Variants in GOLM2 observed in about 807,000 individuals in gnomAD.
GOLM2 encodes golgi membrane protein 2.
In GOLM2, 26 loss-of-function variants were observed where a neutral mutation model predicts 55.9. The observed-to-expected ratio is 0.47, with a 90% CI of 0.34 to 0.65. The LOEUF (loss-of-function observed/expected upper bound fraction) is 0.65, where lower values mean the gene tolerates loss of function less well. GOLM2 is among the 30% of genes least tolerant of loss of function. The pLI is 0.01. For missense variants in GOLM2, 486 were observed against 531.8 expected, an observed-to-expected ratio of 0.91 and a Z score of 0.85; for synonymous variants, 165 against 194.6, an observed-to-expected ratio of 0.85 and a Z score of 1.27.
chr15:44,331,237 A>T (rs1238786685), intron 3 of GOLM2, among the ~76,000 whole-genome samples: 1 of 152,120 alleles, frequency 6.6e-6, no homozygotes. Flanking sequence ...GACTGATCTC[A>T]AACTCCTGGC....
intron 6 of GOLM2, among the ~76,000 whole-genome samples, chr15:44,354,114 A>G (rs553892353): frequency 1.8e-4 from 28 of 152,252 alleles, no homozygotes; most frequent in Admixed American, 3.9e-4. Flanking sequence ...TCAAAAAATT[A>G]TAGGTAATTA....
At chr15:44,327,521 A>G (rs1342769687) in intron 2 of GOLM2, among the ~76,000 whole-genome samples, 4 of 152,134 alleles carry the variant, frequency 2.6e-5, no homozygotes, top group Admixed American at 2.6e-4. Flanking sequence ...AATAGATGTT[A>G]TAGTATTGGT....
chr15:44,398,226 C>T (rs554560330), intron 8 of GOLM2, among the ~76,000 whole-genome samples: 16 of 152,350 alleles, frequency 1.1e-4, no homozygotes, highest in Admixed American at 5.2e-4. Flanking sequence ...CAATAGCACA[C>T]GTACTATCAC....
At chr15:44,325,584 C>T (rs938297015) in intron 2 of GOLM2, among the ~76,000 whole-genome samples, 3 of 152,254 alleles carry the variant, frequency 2.0e-5, no homozygotes, top group East Asian at 1.9e-4. Flanking sequence ...AGAATGAGTC[C>T]GAAAGATCAC....
chr15:44,395,921 G>T (rs929950404), intron 8 of GOLM2, among the ~76,000 whole-genome samples: 2 of 152,136 alleles, frequency 1.3e-5, no homozygotes, highest in Non-Finnish European at 2.9e-5. Flanking sequence ...TGAAAAGCAT[G>T]CAGGCTAGTT....
intron 6 of GOLM2, among the ~76,000 whole-genome samples, chr15:44,360,086 C>T (rs202231925): frequency 0.025 from 3,743 of 152,202 alleles, 89 homozygotes; most frequent in East Asian, 0.1. Flanking sequence ...CACTACCAGC[C>T]GCTGCAAAAT....
chr15:44,340,318 G>T (rs970487945), intron 6 of GOLM2, among the ~76,000 whole-genome samples: 6 of 152,202 alleles, frequency 3.9e-5, no homozygotes, highest in African/African-American at 1.2e-4. Flanking sequence ...CTGTTGCCCA[G>T]GCTAGAGTGC....
intron 1 of GOLM2, among the ~76,000 whole-genome samples, chr15:44,297,139 C>A (rs1285694562): frequency 1.3e-5 from 2 of 152,182 alleles, no homozygotes; most frequent in Admixed American, 1.3e-4. Flanking sequence ...AGTGCTTCAA[C>A]ATGCAGAGGA....
chr15:44,373,756 A>AAAAAC (rs1463848915), intron 6 of GOLM2, among the ~76,000 whole-genome samples: 2 of 152,192 alleles, frequency 1.3e-5, no homozygotes, highest in African/African-American at 4.8e-5. Context: ...TCCATCTTGA[A>AAAAAC]AAAACAAAAC....
At chr15:44,388,721 C>T (rs1296272764) in intron 8 of GOLM2, among the ~76,000 whole-genome samples, 1 of 152,168 alleles carries the variant, frequency 6.6e-6, no homozygotes, top group South Asian at 2.1e-4. Context: ...GCTGTGCTGC[C>T]GGGCTGGATT....
rs569024438 is a variant in GOLM2 at position 44,320,657 on chromosome 15, G to C, written c.328-2308G>C. 3.4e-4 allele frequency among the ~76,000 whole-genome samples: 52 copies of C among 152,182 alleles called. 1 individual carries two copies. In the East Asian group the frequency reaches 6.9e-3, roughly 20 times the overall value. On this transcript the variant is annotated intron_variant, in intron 1 of 9. Coordinates refer to ENST00000299957, the MANE Select transcript of GOLM2 (RefSeq NM_138423.4). ...CAAAGCACCCAGGACTCGGGGGGGT[G>C]AAAAAGAGGGACCCCCTAGACTCCT...
chr15:44,359,896 T>C (rs575423262), intron 6 of GOLM2, among the ~76,000 whole-genome samples: 1 of 152,268 alleles, frequency 6.6e-6, no homozygotes, highest in African/African-American at 2.4e-5. Flanking sequence ...GGGGCCAATA[T>C]TCAACATTCT....
intron 1 of GOLM2, among the ~76,000 whole-genome samples, chr15:44,291,495 A>G (rs2078720591): frequency 2.0e-5 from 3 of 152,186 alleles, no homozygotes; most frequent in Non-Finnish European, 4.4e-5. Context: ...AATGTCTGCC[A>G]TCTTTCTTTC....
At chr15:44,346,773 T>C (rs2079127548) in intron 6 of GOLM2, among the ~76,000 whole-genome samples, 1 of 152,180 alleles carries the variant, frequency 6.6e-6, no homozygotes, top group Non-Finnish European at 1.5e-5. Flanking sequence ...TATAATCTTC[T>C]GAACTTTTAA....
chr15:44,346,431 T>G (rs2079125122), intron 6 of GOLM2, among the ~76,000 whole-genome samples: 1 of 152,184 alleles, frequency 6.6e-6, no homozygotes, highest in African/African-American at 2.4e-5. Flanking sequence ...ATTATGTAGC[T>G]AAGGCAGAAA....
At chr15:44,374,037 G>A (rs1047288646) in intron 6 of GOLM2, among the ~76,000 whole-genome samples, 1 of 152,134 alleles carries the variant, frequency 6.6e-6, no homozygotes, top group Non-Finnish European at 1.5e-5. Flanking sequence ...CGGGGCTGAG[G>A]TTGCAGGGAG....
chr15:44,375,138 A>T (rs2079356182), intron 6 of GOLM2, among the ~76,000 whole-genome samples: 1 of 152,080 alleles, frequency 6.6e-6, no homozygotes, highest in Non-Finnish European at 1.5e-5. Flanking sequence ...CTCCTGCCTC[A>T]GCCTCCTGAA....
At chr15:44,301,912 C>CAAA (rs879475681) in intron 1 of GOLM2, among the ~76,000 whole-genome samples, 1 of 111,000 alleles carries the variant, frequency 9.0e-6, no homozygotes. Flanking sequence ...GACCCTCTCT[C>CAAA]AAAAAAAAAA....
chr15:44,322,518 A>G (rs556538721), intron 1 of GOLM2, among the ~76,000 whole-genome samples: 2 of 152,308 alleles, frequency 1.3e-5, no homozygotes, highest in African/African-American at 2.4e-5. Flanking sequence ...GTCTAAAGCA[A>G]TAACTGAGAC....
Sources: allele counts gnomAD v4.1 joint callset (sites outside exome capture counted in the v4.1 genomes callset), GRCh38; gene constraint gnomAD v4.1.1; transcripts MANE v1.5; gene names NCBI Gene and HGNC (gene_info 2026-07-23, HGNC 2026-07-21).